Variants in AMBRA1 observed in about 807,000 individuals in gnomAD.
The protein encoded by AMBRA1 is activating molecule in BECN1-regulated autophagy protein 1.
In AMBRA1, 47 loss-of-function variants were observed where a neutral mutation model predicts 125.4. The ratio of observed to expected loss-of-function variants is 0.37; its 90% CI spans 0.30 to 0.48. The LOEUF (loss-of-function observed/expected upper bound fraction) is 0.48, where lower values mean the gene tolerates loss of function less well. AMBRA1 is among the 20% of genes least tolerant of loss of function. The pLI, the probability that AMBRA1 is intolerant of heterozygous loss-of-function variation, is 0.99. For missense variants in AMBRA1, 1,331 were observed against 1,693.4 expected (o/e 0.79, Z 3.76); for synonymous variants, 626 against 655.5 (o/e 0.95, Z 0.69).
intron 15 of AMBRA1, among the ~76,000 whole-genome samples, chr11:46,413,935 T>A (rs1458192669): frequency 6.6e-6 from 1 of 152,160 alleles, no homozygotes; most frequent in African/African-American, 2.4e-5. Flanking sequence ...ACTACACAAA[T>A]ACACCAAGGG....
In AMBRA1 at chr11:46,433,206, AG is replaced by A. The variant is rs547772724; in HGVS notation, c.2976+267del. ...AGATTAAAAGTTTCACGTAGAAGTA[AG>A]GAAGTATTCAGTTTATCTGAAGATA... On this transcript the variant is annotated intron_variant, in intron 14 of 17. Transcript: ENST00000683756. 1.6e-4 allele frequency among the ~76,000 whole-genome samples: 24 copies of A among 152,356 alleles called. No homozygotes were observed. The South Asian group carries it at 4.4e-3, about 28-fold the overall frequency.
chr11:46,519,136 G>A (rs1951648468), intron 7 of AMBRA1, among the ~76,000 whole-genome samples: 1 of 152,160 alleles, frequency 6.6e-6, no homozygotes, highest in Non-Finnish European at 1.5e-5. Flanking sequence ...CAATTCTCTT[G>A]CCTCAGCCTC....
intron 9 of AMBRA1, among the ~76,000 whole-genome samples, chr11:46,506,872 T>C (rs73467938): frequency 0.012 from 1,783 of 151,976 alleles, 41 homozygotes; most frequent in African/African-American, 0.041. Flanking sequence ...AGCAATAAGA[T>C]TGGCTAGCTT....
chr11:46,543,654 A>G (rs1952860558), intron 6 of AMBRA1, among the ~76,000 whole-genome samples: 1 of 152,220 alleles, frequency 6.6e-6, no homozygotes, highest in Admixed American at 6.5e-5. Context: ...TACAAAAGAC[A>G]TCTCCCCATG....
At chr11:46,473,525 A>T (rs1423115938) in intron 11 of AMBRA1, among the ~76,000 whole-genome samples, 1 of 152,234 alleles carries the variant, frequency 6.6e-6, no homozygotes, top group Non-Finnish European at 1.5e-5. Context: ...CTTGTGGGGG[A>T]AACTGTCACA....
chr11:46,430,386 A>AGG, intron 14 of AMBRA1, among the ~76,000 whole-genome samples: 1 of 152,196 alleles, frequency 6.6e-6, no homozygotes, highest in Non-Finnish European at 1.5e-5. Context: ...GACACCTAAA[A>AGG]TGAAGAAATC....
intron 7 of AMBRA1, among the ~76,000 whole-genome samples, chr11:46,520,125 G>A (rs1284746513): frequency 6.9e-6 from 1 of 144,786 alleles, no homozygotes; most frequent in East Asian, 2.0e-4. Context: ...GGCAACAAGA[G>A]TGAAACTCCG....
intron 7 of AMBRA1, among the ~76,000 whole-genome samples, chr11:46,534,981 C>T (rs995080183): frequency 6.6e-6 from 1 of 152,150 alleles, no homozygotes; most frequent in African/African-American, 2.4e-5. Context: ...GCCCTCAGTA[C>T]CCTATTCTAA....
chr11:46,536,455 C>T (rs1952482396), intron 7 of AMBRA1, among the ~76,000 whole-genome samples: 1 of 151,906 alleles, frequency 6.6e-6, no homozygotes. Flanking sequence ...TGTGTATATT[C>T]CCCATCCAAA....
chr11:46,496,115 T>G (rs1319129817), intron 9 of AMBRA1, among the ~76,000 whole-genome samples: 1 of 151,996 alleles, frequency 6.6e-6, no homozygotes, highest in Non-Finnish European at 1.5e-5. Flanking sequence ...GGCTCACACC[T>G]GTAATCCCAA....
chr11:46,592,150 G>C (rs2044623549), intron 1 of AMBRA1, among the ~76,000 whole-genome samples: 1 of 151,698 alleles, frequency 6.6e-6, no homozygotes, highest in African/African-American at 2.4e-5. Context: ...AGTCAGGCTG[G>C]TCTCGAATTT....
rs1431563459 is a variant in AMBRA1 at position 46,548,489 on chromosome 11, C to T, written c.-109G>A. On this transcript the variant is annotated 5_prime_UTR_variant, in exon 2 of 18. Transcript: ENST00000683756. ...GGCCATACAGGTCCTTGTAAGTTGT[C>T]CTCATGGAAATCTTAAGGAACAAAG... 7.3e-7 allele frequency: 1 copy of T among 1,372,384 alleles called. No individual in the cohort carries two copies. The highest frequency in any genetic ancestry group is 1.4e-5 in the African/African-American group (1 of 69,304). 85.0% of individuals were successfully genotyped at this position (1,372,384 alleles called of 1,614,324 possible). A position where few individuals can be genotyped will look rare whatever the true frequency, so the allele number is the denominator to read the frequency against.
rs138143902 is a variant in AMBRA1 at position 46,590,033 on chromosome 11, A to G, written c.-121+3795T>C. Among the ~76,000 whole-genome samples, 511 of 152,322 alleles carry G rather than the reference A, an allele frequency of 3.4e-3. 6 individuals are homozygous for G. The highest frequency in any genetic ancestry group is 0.012 in the African/African-American group (484 of 41,572). On this transcript the variant is annotated intron_variant, in intron 1 of 17. Transcript: ENST00000683756. ...GCTACATGATCAAAACAAAAGTTTT[A>G]TAAGTTTCCTAACACATATTGAAAA...
chr11:46,543,571 T>A (rs937753557), intron 6 of AMBRA1, among the ~76,000 whole-genome samples, 173 bp from the exon 7 acceptor site: 24 of 152,176 alleles, frequency 1.6e-4, no homozygotes, highest in Non-Finnish European at 3.4e-4. Context: ...TTCAAAATAA[T>A]CACATGGTAT....
At chr11:46,416,045 A>C (rs1946530114) in intron 15 of AMBRA1, among the ~76,000 whole-genome samples, 1 of 152,206 alleles carries the variant, frequency 6.6e-6, no homozygotes, top group Non-Finnish European at 1.5e-5. Flanking sequence ...TGGCTGGGAC[A>C]AAAGTTAGTG....
At chr11:46,557,123 C>T (rs61397837) in intron 1 of AMBRA1, among the ~76,000 whole-genome samples, 48 of 135,040 alleles carry the variant, frequency 3.6e-4, no homozygotes, top group African/African-American at 1.2e-3. Flanking sequence ...GCAACAAGAG[C>T]GAAACTCCAT....
chr11:46,593,806 C>T (rs1002962147), intron 1 of AMBRA1, 22 bp downstream of exon 1: 50 of 395,626 alleles, frequency 1.3e-4, no homozygotes, highest in Admixed American at 2.6e-4. Context: ...GGCTGGGCCT[C>T]CCAGGCTCCT....
intron 1 of AMBRA1, among the ~76,000 whole-genome samples, chr11:46,579,042 C>CAAAAAAAAAA (rs1458414244): frequency 7.5e-5 from 3 of 39,862 alleles, no homozygotes; most frequent in African/African-American, 1.3e-4. Context: ...CACAAGAAAG[C>CAAAAAAAAAA]AATAAAAAAA....
intron 7 of AMBRA1, among the ~76,000 whole-genome samples, chr11:46,526,870 T>C (rs1951998306): frequency 6.6e-6 from 1 of 152,222 alleles, no homozygotes; most frequent in Non-Finnish European, 1.5e-5. Context: ...ACAGCAACAT[T>C]AGAACTAAGT....
Sources: allele counts gnomAD v4.1 joint callset (sites outside exome capture counted in the v4.1 genomes callset), GRCh38; gene constraint gnomAD v4.1.1; transcripts MANE v1.5; gene names NCBI Gene and HGNC (gene_info 2026-07-23, HGNC 2026-07-21).